OSBPL10: variants seen among roughly 807,000 people sequenced by gnomAD.
The protein encoded by OSBPL10 is oxysterol-binding protein-related protein 10.
In OSBPL10, 49 loss-of-function variants were observed where a neutral mutation model predicts 81.7. The observed-to-expected ratio is 0.60, with a 90% CI of 0.48 to 0.76. The LOEUF is 0.76. Ranked by LOEUF, OSBPL10 falls within the 30% of genes least tolerant of loss-of-function variation. OSBPL10 has a pLI of 0.00. For missense variants in OSBPL10, 923 were observed against 987.8 expected (o/e 0.93, Z 0.88); for synonymous variants, 419 against 383.6 (o/e 1.09, Z -1.08).
At chr3:31,764,278 T>G (rs1378190780) in intron 4 of OSBPL10, among the ~76,000 whole-genome samples, 1 of 152,212 alleles carries the variant, frequency 6.6e-6, no homozygotes, top group Non-Finnish European at 1.5e-5. Context: ...TCCACATATA[T>G]CTCTCTCCAC....
intron 2 of OSBPL10, among the ~76,000 whole-genome samples, chr3:32,024,897 T>C (rs1407183537): frequency 2.0e-5 from 3 of 152,254 alleles, no homozygotes; most frequent in Non-Finnish European, 4.4e-5. Context: ...ATTTGTGTTT[T>C]TGTGAATTTC....
At chr3:31,977,142 C>A (rs1698715289) in intron 1 of OSBPL10, among the ~76,000 whole-genome samples, 1 of 152,128 alleles carries the variant, frequency 6.6e-6, no homozygotes, top group Non-Finnish European at 1.5e-5. Flanking sequence ...ACACATTCCC[C>A]TCCTGTGATC....
intron 6 of OSBPL10, chr3:31,709,159 C>T: frequency 2.2e-6 from 1 of 451,722 alleles, no homozygotes; most frequent in Non-Finnish European, 2.9e-6. Context: ...ACACAGCAAG[C>T]TAGTCCCAGC....
At chr3:32,016,341 C>T (rs1289843878) in intron 2 of OSBPL10, among the ~76,000 whole-genome samples, 10 of 152,040 alleles carry the variant, frequency 6.6e-5, no homozygotes, top group Non-Finnish European at 1.3e-4. Context: ...CAAACCCTCG[C>T]AAGGACAAAA....
chr3:31,891,230 A>G (rs1695883142), intron 1 of OSBPL10, among the ~76,000 whole-genome samples: 1 of 152,130 alleles, frequency 6.6e-6, no homozygotes, highest in Non-Finnish European at 1.5e-5. Context: ...GGGTTTTCAG[A>G]CTTTGCCCAC....
At chr3:32,015,734 G>A (rs973774250) in intron 2 of OSBPL10, among the ~76,000 whole-genome samples, 16 of 152,060 alleles carry the variant, frequency 1.1e-4, no homozygotes, top group African/African-American at 3.4e-4. Context: ...AACCTACAAT[G>A]AACTCCAACA....
intron 2 of OSBPL10, among the ~76,000 whole-genome samples, chr3:32,011,585 G>A (rs1699260804): frequency 6.6e-6 from 1 of 152,246 alleles, no homozygotes; most frequent in Non-Finnish European, 1.5e-5. Flanking sequence ...AACAAAGCTG[G>A]ACGGAGAATG....
At chr3:31,830,565 T>G (rs971389220) in intron 3 of OSBPL10, among the ~76,000 whole-genome samples, 11 of 152,180 alleles carry the variant, frequency 7.2e-5, no homozygotes, top group Middle Eastern at 3.2e-3. Context: ...TATTTCCTGT[T>G]CCTAGAATGC....
intron 2 of OSBPL10, among the ~76,000 whole-genome samples, chr3:32,007,814 C>T (rs1699218402): frequency 6.6e-6 from 1 of 152,074 alleles, no homozygotes; most frequent in South Asian, 2.1e-4. Flanking sequence ...TCAAGCGATT[C>T]TCCTGCCTCA....
intron 2 of OSBPL10, among the ~76,000 whole-genome samples, chr3:32,029,701 A>T (rs1699449311): frequency 1.3e-5 from 2 of 152,198 alleles, no homozygotes; most frequent in African/African-American, 4.8e-5. Flanking sequence ...ACTCATGAAA[A>T]GAGAGCCAAT....
rs370214538 is a variant in OSBPL10 at position 31,733,335 on chromosome 3, T to C, written c.1017A>G (p.Pro339=). ...CCCAGGTTATGTTGGCACTGGCTGA[T>C]GGCAAAGAGCCAAGTGTCCCATTTT... ...QLKNGTLGSL[P]SASANITWAI... is the part of the protein sequence containing the mutation. The change falls in exon 6 of 12, where the codon CCA becomes CCG. Residue 339 remains proline (P), a synonymous_variant. Transcript: ENST00000396556. The C allele has an allele frequency of 3.1e-6, 5 of 1,613,574 alleles. No homozygotes were observed. Among genetic ancestry groups the C allele is most frequent in the African/African-American group, 1.3e-5 (1 of 74,904 alleles).
chr3:31,664,219 C>A lies in OSBPL10; in HGVS notation c.2110G>T (p.Glu704Ter), dbSNP rs779879535. ...GPMESRNLWREVTRYLRLGDI... is the reference protein window; with the variant it reads ...GPMESRNLWR ...CCCAGCCGCAGGTATCGGGTCACCT[C>A]CCGCCAGAGGTTCCTGGGGATGCGT... Residue 704 changes from glutamate to a stop codon, truncating the protein, a stop_gained, in exon 11 of 12, where the codon GAG becomes TAG. Transcript: ENST00000396556. LOFTEE classifies it high-confidence loss of function. The A allele has an allele frequency of 3.1e-6, 5 of 1,612,468 alleles. No individual in the cohort carries two copies. Among genetic ancestry groups the A allele is most frequent in the Non-Finnish European group, 4.2e-6 (5 of 1,180,018 alleles).
At chr3:31,802,235 T>C (rs1319055008) in intron 4 of OSBPL10, among the ~76,000 whole-genome samples, 1 of 151,658 alleles carries the variant, frequency 6.6e-6, no homozygotes, top group Non-Finnish European at 1.5e-5. Context: ...GTTGAAGGTA[T>C]GGAAAACATT....
chr3:31,733,902 C>CG (rs1362395041), intron 5 of OSBPL10, among the ~76,000 whole-genome samples: 2 of 151,474 alleles, frequency 1.3e-5, no homozygotes, highest in Non-Finnish European at 2.9e-5. Flanking sequence ...CCCAGCTACT[C>CG]GGGAGGCTGA....
At chr3:31,901,282 C>T (rs565409135) in intron 1 of OSBPL10, among the ~76,000 whole-genome samples, 1 of 152,296 alleles carries the variant, frequency 6.6e-6, no homozygotes, top group East Asian at 1.9e-4. Context: ...CCTTCAATGG[C>T]TTCCATTGCA....
chr3:31,945,810 C>T (rs1318664600), intron 1 of OSBPL10, among the ~76,000 whole-genome samples: 2 of 152,134 alleles, frequency 1.3e-5, no homozygotes, highest in Non-Finnish European at 2.9e-5. Flanking sequence ...GAGCCTGTGA[C>T]CCCTGGTCTG....
At chr3:31,991,531 A>C (rs1021786859) in intron 2 of OSBPL10, 2 of 166,706 alleles carry the variant, frequency 1.2e-5, no homozygotes, top group African/African-American at 4.8e-5. Context: ...GTGTTTTCTT[A>C]ATTTTCTTTT....
intron 10 of OSBPL10, 23 bp from the exon 11 acceptor site, chr3:31,664,255 A>T: frequency 6.2e-7 from 1 of 1,609,716 alleles, no homozygotes; most frequent in Non-Finnish European, 8.5e-7. Context: ...GGAGGAGAGG[A>T]AACAATCAGC....
intron 1 of OSBPL10, among the ~76,000 whole-genome samples, chr3:32,062,400 T>C (rs1699756990): frequency 1.1e-5 from 1 of 94,646 alleles, no homozygotes; most frequent in African/African-American, 2.7e-5. Flanking sequence ...CCACCACTCC[T>C]GGTTTGTTTA....
Sources: allele counts gnomAD v4.1 joint callset (sites outside exome capture counted in the v4.1 genomes callset), GRCh38; gene constraint gnomAD v4.1.1; transcripts MANE v1.5; gene names NCBI Gene and HGNC (gene_info 2026-07-23, HGNC 2026-07-21).